MECOM: variants seen among roughly 807,000 people sequenced by gnomAD.
MECOM encodes histone-lysine N-methyltransferase MECOM.
MECOM carries 13 observed loss-of-function variants against 116.3 expected under a neutral mutation model. The ratio of observed to expected loss-of-function variants is 0.11; its 90% CI spans 0.07 to 0.18. MECOM has a LOEUF of 0.18. Ranked by LOEUF, MECOM falls within the 10% of genes least tolerant of loss-of-function variation. MECOM has a pLI of 1.00. For synonymous variants in MECOM, 528 were observed against 535.2 expected, an observed-to-expected ratio of 0.99 and a Z score of 0.19; for missense variants, 1,299 against 1,509.0, an observed-to-expected ratio of 0.86 and a Z score of 2.31.
intron 2 of MECOM, among the ~76,000 whole-genome samples, chr3:169,217,578 G>A (rs1227495991): frequency 6.6e-6 from 1 of 152,032 alleles, no homozygotes; most frequent in Non-Finnish European, 1.5e-5. Context: ...GAGGTCAGGA[G>A]TTTGAGACCA....
intron 1 of MECOM, among the ~76,000 whole-genome samples, chr3:169,646,027 A>G (rs978843228): frequency 7.2e-5 from 11 of 152,208 alleles, no homozygotes; most frequent in Non-Finnish European, 1.2e-4. Flanking sequence ...TAAAAAAAGA[A>G]TGATGGCTTC....
At chr3:169,098,045 T>G (rs1188941113) in intron 12 of MECOM, among the ~76,000 whole-genome samples, 1 of 152,106 alleles carries the variant, frequency 6.6e-6, no homozygotes, top group African/African-American at 2.4e-5. Context: ...ATTTTTTCTT[T>G]TTGAAATAAT....
chr3:169,443,780 G>T (rs560777004), intron 1 of MECOM, among the ~76,000 whole-genome samples: 11 of 152,260 alleles, frequency 7.2e-5, no homozygotes, highest in Admixed American at 6.5e-4. Flanking sequence ...GGTCAGTTTG[G>T]GCTTTCATTT....
At chr3:169,337,763 C>T (rs527737881) in intron 2 of MECOM, among the ~76,000 whole-genome samples, 237 of 152,054 alleles carry the variant, frequency 1.6e-3, no homozygotes, top group Non-Finnish European at 2.9e-3. Flanking sequence ...CATGACATTG[C>T]CCCCTGCTTG....
At position 169,087,105 on chromosome 3, in the gene MECOM, C is replaced by T. The variant is rs576232457; in HGVS notation, c.3585+1895G>A. On this transcript the variant is annotated intron_variant, in intron 16 of 16. Transcript: ENST00000651503. ...TGCAAAATGCTAGTGTTTCTTATAACAGTAACAGTCCAGCTGGGTTGGGAC... is the reference window on the plus strand; with the variant it reads ...TGCAAAATGCTAGTGTTTCTTATAATAGTAACAGTCCAGCTGGGTTGGGAC... Among the ~76,000 whole-genome samples the T allele has an allele frequency of 2.6e-5, 4 of 152,182 alleles. No homozygotes were observed. In the South Asian group the frequency reaches 8.3e-4, roughly 32 times the overall value.
intron 1 of MECOM, among the ~76,000 whole-genome samples, chr3:169,638,984 C>G (rs1773145596): frequency 7.6e-6 from 1 of 131,744 alleles, no homozygotes. Context: ...TGTATCTTCT[C>G]CAAGGTCTCT....
At chr3:169,125,734 A>G (rs1450330575) in intron 5 of MECOM, among the ~76,000 whole-genome samples, 1 of 152,108 alleles carries the variant, frequency 6.6e-6, no homozygotes, top group Admixed American at 6.6e-5. Context: ...CTTTTCGTGG[A>G]ATTTTATCTC....
At chr3:169,399,719 G>T (rs774701641) in intron 1 of MECOM, among the ~76,000 whole-genome samples, 2 of 152,040 alleles carry the variant, frequency 1.3e-5, no homozygotes, top group Non-Finnish European at 2.9e-5. Context: ...AGAAAGTTTT[G>T]TTTTATGTTT....
chr3:169,405,420 A>G (rs1736539943), intron 1 of MECOM, among the ~76,000 whole-genome samples: 1 of 152,230 alleles, frequency 6.6e-6, no homozygotes, highest in Non-Finnish European at 1.5e-5. Context: ...CCAAGCTAAA[A>G]AAAAGAAGAG....
chr3:169,485,944 T>TATATATACATATATATA (rs1491555135), intron 1 of MECOM, among the ~76,000 whole-genome samples: 4 of 101,306 alleles, frequency 3.9e-5, no homozygotes, highest in Admixed American at 1.1e-4. Flanking sequence ...TATATATGTA[T>TATATATACATATATATA]GTATATATGT....
At chr3:169,269,921 T>C (rs1216394147) in intron 2 of MECOM, among the ~76,000 whole-genome samples, 4 of 152,180 alleles carry the variant, frequency 2.6e-5, no homozygotes, top group African/African-American at 9.7e-5. Flanking sequence ...AATAGAAATA[T>C]TTTTGTTCAA....
chr3:169,630,080 C>T (rs1771896290), intron 1 of MECOM, among the ~76,000 whole-genome samples: 1 of 152,178 alleles, frequency 6.6e-6, no homozygotes, highest in Non-Finnish European at 1.5e-5. Context: ...GCTTGTGACG[C>T]TCTCCACACA....
intron 2 of MECOM, among the ~76,000 whole-genome samples, chr3:169,362,090 T>A (rs1031998017): frequency 1.3e-5 from 2 of 151,928 alleles, no homozygotes; most frequent in African/African-American, 4.8e-5. Context: ...CTATTTTCTA[T>A]GTAATTTAAA....
At chr3:169,485,578 C>A (rs74933036) in intron 1 of MECOM, among the ~76,000 whole-genome samples, 75 of 151,994 alleles carry the variant, frequency 4.9e-4, no homozygotes, top group Non-Finnish European at 9.0e-4. Flanking sequence ...ATCATCTCAT[C>A]CAACATTTTC....
At chr3:169,333,650 A>G (rs1560143756) in intron 2 of MECOM, among the ~76,000 whole-genome samples, 2 of 152,176 alleles carry the variant, frequency 1.3e-5, no homozygotes, top group Non-Finnish European at 2.9e-5. Flanking sequence ...AACTTGTTTT[A>G]TATTATGATA....
chr3:169,287,146 G>A (rs749094364), intron 2 of MECOM, among the ~76,000 whole-genome samples: 31 of 151,786 alleles, frequency 2.0e-4, no homozygotes, highest in Non-Finnish European at 3.1e-4. Context: ...GTCATGCTTC[G>A]CTGCCTTTAC....
chr3:169,091,111 TC>T (rs1329950517), intron 14 of MECOM, among the ~76,000 whole-genome samples: 11 of 152,178 alleles, frequency 7.2e-5, no homozygotes, highest in Admixed American at 6.6e-4. Context: ...GGTGAAAACA[TC>T]TTTTGCACAG....
intron 2 of MECOM, among the ~76,000 whole-genome samples, chr3:169,216,092 A>G (rs552371835): frequency 2.0e-5 from 3 of 152,300 alleles, no homozygotes; most frequent in African/African-American, 7.2e-5. Flanking sequence ...TTTTAGTGTC[A>G]ACCTTTATTT....
At position 169,138,402 on chromosome 3, in the gene MECOM, T is replaced by C. The variant is rs533033701; in HGVS notation, c.510+5296A>G. 1.2e-4 allele frequency among the ~76,000 whole-genome samples: 19 copies of C among 152,220 alleles called. No homozygotes were observed. In the South Asian group the frequency reaches 3.7e-3, roughly 30 times the overall value. On this transcript the variant is annotated intron_variant, in intron 3 of 16. Coordinates refer to ENST00000651503, the MANE Select transcript of MECOM (RefSeq NM_004991.4). ...TTCACTGGGGCAGGGGATGAGGTGA[T>C]GTTTGTTTTATGATGTAAAAATCAA...
Sources: allele counts gnomAD v4.1 joint callset (sites outside exome capture counted in the v4.1 genomes callset), GRCh38; gene constraint gnomAD v4.1.1; transcripts MANE v1.5; gene names NCBI Gene and HGNC (gene_info 2026-07-23, HGNC 2026-07-21).